RCBTB1: variants seen among roughly 807,000 people sequenced by gnomAD.
The protein encoded by RCBTB1 is RCC1 and BTB domain containing protein 1.
In RCBTB1, 46 loss-of-function variants were observed where a neutral mutation model predicts 62.4. That is an observed-to-expected ratio of 0.74 (90% CI 0.58 to 0.94). The LOEUF (loss-of-function observed/expected upper bound fraction) is 0.94. Among genes scored for constraint, RCBTB1 ranks in the 40% least tolerant of loss-of-function variants. The probability of loss-of-function intolerance (pLI) is 0.00; values close to 1 mark genes in which losing one functional copy is unlikely to be tolerated. For missense variants in RCBTB1, 565 were observed against 654.9 expected, an observed-to-expected ratio of 0.86 and a Z score of 1.50; for synonymous variants, 222 against 245.8, an observed-to-expected ratio of 0.90 and a Z score of 0.91.
At chr13:49,549,420 C>A in intron 9 of RCBTB1, 38 bp downstream of exon 9, 1 of 1,570,524 alleles carries the variant, frequency 6.4e-7, no homozygotes. Flanking sequence ...TTGGTAGTAC[C>A]ATTCTTCCTG....
Position 49,540,965 on chromosome 13 carries a change from T to C in RCBTB1, c.1366A>G (p.Lys456Glu). 1 of 1,613,454 alleles carries C rather than the reference T, an allele frequency of 6.2e-7. No individual in the cohort carries two copies. Among genetic ancestry groups the C allele is most frequent in the Non-Finnish European group, 8.5e-7 (1 of 1,179,998 alleles). ...TTGATAATGTGCTGACAAAGTTTTT[T>C]CAGTCTGTTTTCACAGTAAGATGTC... ...LATSYCENRL[K>E]KLCQHIIKRG... Residue 456 changes from lysine to glutamate, a missense_variant, in exon 12 of 13, where the codon AAA (lysine) becomes GAA (glutamate). Transcript: ENST00000378302.
At chr13:49,570,927 A>G (rs749866741) in intron 2 of RCBTB1, among the ~76,000 whole-genome samples, 1 of 152,222 alleles carries the variant, frequency 6.6e-6, no homozygotes, top group Non-Finnish European at 1.5e-5. Context: ...GGAGAATATC[A>G]GTCCTGGCCC....
At chr13:49,538,529 A>C (rs1960097685) in intron 12 of RCBTB1, among the ~76,000 whole-genome samples, 3 of 152,066 alleles carry the variant, frequency 2.0e-5, no homozygotes, top group Admixed American at 2.0e-4. Flanking sequence ...TGGGCAACAT[A>C]ATGAAACCCT....
chr13:49,553,718 C>T (rs571790127), intron 6 of RCBTB1, among the ~76,000 whole-genome samples: 2 of 152,028 alleles, frequency 1.3e-5, no homozygotes, highest in Admixed American at 6.6e-5. Flanking sequence ...CATGATGGAG[C>T]GGAAAGGGGG....
chr13:49,554,079 A>G (rs1398989170), intron 6 of RCBTB1, among the ~76,000 whole-genome samples: 1 of 152,228 alleles, frequency 6.6e-6, no homozygotes, highest in African/African-American at 2.4e-5. Flanking sequence ...GTCTGATCAC[A>G]GACACAGATA....
intron 4 of RCBTB1, among the ~76,000 whole-genome samples, chr13:49,562,302 AAC>A (rs1962502110): frequency 6.6e-6 from 1 of 151,962 alleles, no homozygotes; most frequent in Non-Finnish European, 1.5e-5. Flanking sequence ...AATTTCCCAG[AAC>A]ACAGATGGGA....
intron 2 of RCBTB1, among the ~76,000 whole-genome samples, chr13:49,573,406 C>T (rs1280280989): frequency 1.3e-5 from 2 of 151,406 alleles, no homozygotes; most frequent in African/African-American, 2.4e-5. Context: ...CTATCAGTCT[C>T]CTACCTCACT....
chr13:49,559,820 C>CTA, intron 5 of RCBTB1, 98 bp downstream of exon 5: 1 of 1,116,692 alleles, frequency 9.0e-7, no homozygotes, highest in Admixed American at 2.3e-5. Flanking sequence ...CACCACTGAA[C>CTA]TATACACTTA....
At chr13:49,569,098 C>A (rs1408319396) in intron 2 of RCBTB1, among the ~76,000 whole-genome samples, 1 of 152,134 alleles carries the variant, frequency 6.6e-6, no homozygotes, top group African/African-American at 2.4e-5. Context: ...GAGTCGGGAT[C>A]TGCACCCAGG....
At chr13:49,566,438 A>G (rs1017798426) in intron 4 of RCBTB1, among the ~76,000 whole-genome samples, 180 bp downstream of exon 4, 6 of 152,162 alleles carry the variant, frequency 3.9e-5, no homozygotes, top group African/African-American at 7.2e-5. Flanking sequence ...AAGACATCCT[A>G]TAGCTTTTCC....
At chr13:49,534,809 G>A (rs993578041) in intron 12 of RCBTB1, among the ~76,000 whole-genome samples, 2 of 152,134 alleles carry the variant, frequency 1.3e-5, no homozygotes, top group African/African-American at 2.4e-5. Context: ...CGAGGCGGGC[G>A]GATCACTTGA....
chr13:49,560,048 C>T lies in RCBTB1; in HGVS notation c.314G>A (p.Ser105Asn), dbSNP rs767831872. Residue 105 changes from serine (S) to asparagine (N), a missense_variant, in exon 5 of 13, where the codon AGC (serine) becomes AAC (asparagine). Coordinates refer to ENST00000378302, the MANE Select transcript of RCBTB1 (RefSeq NM_018191.4). ...GTTGGTCGTCCCATTCCCAAGCTGGCTATATCCATTGTGGCCCCAGGCATA... is the reference window on the plus strand; with the variant it reads ...GTTGGTCGTCCCATTCCCAAGCTGGTTATATCCATTGTGGCCCCAGGCATA... ...VVYAWGHNGYSQLGNGTTNQG... is the reference protein window; with the variant it reads ...VVYAWGHNGYNQLGNGTTNQG... The T allele has an allele frequency of 1.2e-6, 2 of 1,614,158 alleles. No individual in the cohort carries two copies. Among genetic ancestry groups the T allele is most frequent in the South Asian group, 1.1e-5 (1 of 91,080 alleles).
chr13:49,581,740 G>T (rs1460927376), intron 1 of RCBTB1, among the ~76,000 whole-genome samples: 2 of 152,236 alleles, frequency 1.3e-5, no homozygotes, highest in South Asian at 2.1e-4. Context: ...GTGTCACAGA[G>T]ATCTGGGGAC....
intron 2 of RCBTB1, among the ~76,000 whole-genome samples, chr13:49,573,084 C>A (rs1325108233): frequency 1.3e-5 from 2 of 152,156 alleles, no homozygotes; most frequent in Admixed American, 1.3e-4. Context: ...GAAGCTGCCA[C>A]CCAAACACGT....
intron 2 of RCBTB1, among the ~76,000 whole-genome samples, chr13:49,576,453 A>C (rs1188629554): frequency 6.6e-6 from 1 of 152,172 alleles, no homozygotes; most frequent in African/African-American, 2.4e-5. Context: ...CAGTCCTAAA[A>C]AATGTGTTTG....
chr13:49,540,162 T>C (rs1349171842), intron 12 of RCBTB1, among the ~76,000 whole-genome samples: 1 of 152,208 alleles, frequency 6.6e-6, no homozygotes, highest in African/African-American at 2.4e-5. Flanking sequence ...TCCTTTAAGG[T>C]ACTATCTTCA....
chr13:49,577,994 G>A (rs561125642), intron 2 of RCBTB1, among the ~76,000 whole-genome samples: 11 of 152,136 alleles, frequency 7.2e-5, no homozygotes, highest in South Asian at 2.1e-4. Flanking sequence ...GCTGTCTTAC[G>A]AAAAAAATTT....
In RCBTB1 at chr13:49,583,269, C is replaced by T. The variant is rs527570341; in HGVS notation, c.-122+2175G>A. 1.4e-3 allele frequency among the ~76,000 whole-genome samples: 220 copies of T among 152,070 alleles called. 2 individuals carry two copies. The highest frequency in any genetic ancestry group is 4.7e-3 in the African/African-American group (197 of 41,486). On this transcript the variant is annotated intron_variant, in intron 1 of 12. Transcript: ENST00000378302. Reference sequence around the variant, plus strand: ...TGGGAAAGAGCACTGAGCAGAGAAACCTAGCAGGATGGTAAGACCAAGCCC... The same window carrying T: ...TGGGAAAGAGCACTGAGCAGAGAAATCTAGCAGGATGGTAAGACCAAGCCC...
chr13:49,577,672 T>A (rs1006319389), intron 2 of RCBTB1, among the ~76,000 whole-genome samples: 2 of 152,142 alleles, frequency 1.3e-5, no homozygotes, highest in Non-Finnish European at 2.9e-5. Flanking sequence ...TTCTGACGCT[T>A]CTGGTGTCAT....
Sources: gnomAD v4.1 joint callset for allele counts (sites outside exome capture counted in the v4.1 genomes callset) on GRCh38, gnomAD v4.1.1 for gene constraint, MANE v1.5 for transcripts, NCBI Gene and HGNC (gene_info 2026-07-23, HGNC 2026-07-21) for gene names.